Variants in INSYN2A observed in about 807,000 individuals in gnomAD.
INSYN2A encodes the protein family with sequence similarity 196 member A.
Under a neutral mutation model 39.4 loss-of-function variants are expected in INSYN2A, and 17 were observed. The ratio of observed to expected loss-of-function variants is 0.43; its 90% CI spans 0.30 to 0.65. The LOEUF (loss-of-function observed/expected upper bound fraction) is 0.65. Ranked by LOEUF, INSYN2A falls within the 30% of genes least tolerant of loss-of-function variation. The pLI, the probability that INSYN2A is intolerant of heterozygous loss-of-function variation, is 0.14. For synonymous variants in INSYN2A, 255 were observed against 265.7 expected (o/e 0.96, Z 0.39); for missense variants, 595 against 631.2 (o/e 0.94, Z 0.61).
chr10:127,192,288 T>C (rs929082229), intron 2 of INSYN2A, among the ~76,000 whole-genome samples: 1 of 152,212 alleles, frequency 6.6e-6, no homozygotes, highest in African/African-American at 2.4e-5. Flanking sequence ...GGGAGAGTTA[T>C]TTCCAAATCC....
chr10:127,180,415 G>A (rs80344689), intron 2 of INSYN2A, among the ~76,000 whole-genome samples: 72 of 152,256 alleles, frequency 4.7e-4, no homozygotes, highest in African/African-American at 1.3e-3. Flanking sequence ...TTTATTTTTC[G>A]TAAGAAAATT....
rs2055119527 is a variant in INSYN2A at position 127,176,174 on chromosome 10, C to T, written c.222G>A (p.Glu74=). Residue 74 remains glutamate, a synonymous_variant, in exon 4 of 6, where the codon GAG becomes GAA. Transcript: ENST00000522781. This position sits in a 1 kb window ranked among gnomAD's most constrained non-coding sequence, Gnocchi z 4.4. ...CTGCTCTGCAGGACACGGGCTTGGC[C>T]TCCCGCTTCTCCCCCAGCTGGCCCG... ...LSSGQLGEKR[E]AKPVSCRAAY... The T allele has an allele frequency of 2.5e-6, 4 of 1,614,030 alleles. No individual in the cohort carries two copies. The highest frequency in any genetic ancestry group is 2.2e-5 in the East Asian group (1 of 44,862).
chr10:127,183,291 T>A (rs2055914258), intron 2 of INSYN2A, among the ~76,000 whole-genome samples: 1 of 152,106 alleles, frequency 6.6e-6, no homozygotes, highest in Non-Finnish European at 1.5e-5. Context: ...ATGGAAGTCA[T>A]TTAGAGTTGA....
chr10:127,196,486 C>T lies in INSYN2A; in HGVS notation c.-884G>A, dbSNP rs919249667. Among the ~76,000 whole-genome samples, 1 of 148,224 alleles carries T rather than the reference C, an allele frequency of 6.7e-6. No homozygotes were observed. Among genetic ancestry groups the T allele is most frequent in the Admixed American group, 6.7e-5 (1 of 14,922 alleles). On this transcript the variant is annotated 5_prime_UTR_variant, in exon 1 of 6. Transcript: ENST00000522781. ...CAGGAGGGAAGTCCTTTCCGCTGCT[C>T]CAGGTCCCAGCTACTCCGCGGAGCC...
rs1197321988 is a variant in INSYN2A, at chr10:127,176,854, G to A, written c.-6+23C>T. The A allele has an allele frequency of 6.4e-6, 1 of 155,730 alleles. No individual in the cohort carries two copies. The highest frequency in any genetic ancestry group is 1.9e-4 in the East Asian group (1 of 5,288). 9.6% of individuals were successfully genotyped at this position (155,730 alleles called of 1,614,324 possible). ...ATTAATCTATTGCTGGAATCTGGGA[G>A]AGCTGCTGTTTTAAAGACTTACTGG... On this transcript the variant is annotated intron_variant, in intron 3 of 5. Transcript: ENST00000522781. The surrounding 1 kb of genome is among the most constrained non-coding windows in gnomAD (Gnocchi z 4.4).
At chr10:127,192,893 A>C (rs1023616095) in intron 1 of INSYN2A, among the ~76,000 whole-genome samples, 163 bp from the exon 2 acceptor site, 6 of 152,212 alleles carry the variant, frequency 3.9e-5, no homozygotes, top group Admixed American at 2.6e-4. Flanking sequence ...TTAATGTATA[A>C]GAACAATGTA....
intron 2 of INSYN2A, among the ~76,000 whole-genome samples, chr10:127,180,934 A>G (rs1050203578): frequency 6.6e-6 from 1 of 152,190 alleles, no homozygotes; most frequent in Non-Finnish European, 1.5e-5. Context: ...TCTGTTTTCC[A>G]ATTTGGGGAG....
chr10:127,141,615 G>A (rs1253638192), intron 5 of INSYN2A, among the ~76,000 whole-genome samples: 1 of 152,012 alleles, frequency 6.6e-6, no homozygotes, highest in African/African-American at 2.4e-5. Flanking sequence ...AGGTTGCAGT[G>A]AGTTGAGATC....
At chr10:127,177,246 C>A (rs11016652) in intron 2 of INSYN2A, 107 bp from the exon 3 acceptor site, 1 of 152,074 alleles carries the variant, frequency 6.6e-6, no homozygotes, top group East Asian at 1.9e-4. Flanking sequence ...TACTTAAATT[C>A]TGAAAGCAAA....
chr10:127,144,519 A>G (rs1004881257), intron 5 of INSYN2A, among the ~76,000 whole-genome samples: 8 of 152,246 alleles, frequency 5.3e-5, no homozygotes, highest in Non-Finnish European at 1.0e-4. Flanking sequence ...TTGAATTACA[A>G]TAAACTGATG....
chr10:127,145,641 G>A (rs2051741289), intron 5 of INSYN2A, among the ~76,000 whole-genome samples: 1 of 152,154 alleles, frequency 6.6e-6, no homozygotes, highest in African/African-American at 2.4e-5. Context: ...TCCTTTTGAA[G>A]ATGGGAGTGC....
chr10:127,181,673 G>C (rs1028019078), intron 2 of INSYN2A, among the ~76,000 whole-genome samples: 8 of 152,278 alleles, frequency 5.3e-5, no homozygotes, highest in African/African-American at 1.9e-4. Context: ...ATATGCCAAG[G>C]GGGTGCCTGA....
chr10:127,174,480 C>T (rs938707194), intron 4 of INSYN2A, among the ~76,000 whole-genome samples: 2 of 152,166 alleles, frequency 1.3e-5, no homozygotes, highest in Non-Finnish European at 2.9e-5. Context: ...TGCTGCTGCA[C>T]AGTTTAAACT....
At position 127,158,114 on chromosome 10, in the gene INSYN2A, G is replaced by A. The variant is rs577100543; in HGVS notation, c.1185-4191C>T. Among the ~76,000 whole-genome samples the A allele has an allele frequency of 1.1e-4, 17 of 152,344 alleles. No homozygotes were observed. The South Asian group carries it at 3.5e-3, about 32-fold the overall frequency. ...CATTAATAATTGGGCTGCAGCATCT[G>A]AATATGTTCTCCAAATAGAGATGAA... On this transcript the variant is annotated intron_variant, in intron 4 of 5. Coordinates refer to ENST00000522781, the MANE Select transcript of INSYN2A (RefSeq NM_001039762.3).
intron 2 of INSYN2A, among the ~76,000 whole-genome samples, chr10:127,183,763 A>G (rs2055957241): frequency 6.6e-6 from 1 of 152,176 alleles, no homozygotes; most frequent in African/African-American, 2.4e-5. Flanking sequence ...TGGTGAAGAG[A>G]AAATAAACAA....
At chr10:127,169,890 G>A (rs935962988) in intron 4 of INSYN2A, among the ~76,000 whole-genome samples, 5 of 152,028 alleles carry the variant, frequency 3.3e-5, no homozygotes, top group Non-Finnish European at 5.9e-5. Context: ...ACCACACTTC[G>A]TCTGTATTAA....
At chr10:127,177,667 G>T (rs958663054) in intron 2 of INSYN2A, among the ~76,000 whole-genome samples, 1 of 152,208 alleles carries the variant, frequency 6.6e-6, no homozygotes, top group African/African-American at 2.4e-5. Context: ...TGCCGACCTT[G>T]TGCCCTGTCC....
At chr10:127,183,389 A>G (rs1030266856) in intron 2 of INSYN2A, among the ~76,000 whole-genome samples, 2 of 152,214 alleles carry the variant, frequency 1.3e-5, no homozygotes, top group African/African-American at 4.8e-5. Flanking sequence ...TCATCGTAGT[A>G]TGAAAATGCC....
chr10:127,136,822 G>A lies in INSYN2A; in HGVS notation c.*1015C>T, dbSNP rs1282693115. The A allele has an allele frequency of 6.6e-6, 1 of 152,562 alleles. No homozygotes were observed. Among genetic ancestry groups the A allele is most frequent in the Non-Finnish European group, 1.5e-5 (1 of 68,036 alleles). 9.5% of individuals were successfully genotyped at this position (152,562 alleles called of 1,614,324 possible). The stretch of plus-strand genomic sequence containing the variant: ...TAAACGCACTGTTTCTCTTTGAGAT[G>A]GTCAGGGCTTCCACCATTAATACAA... On this transcript the variant is annotated 3_prime_UTR_variant, in exon 6 of 6. Transcript: ENST00000522781.
Sources: allele counts gnomAD v4.1 joint callset (sites outside exome capture counted in the v4.1 genomes callset), GRCh38; gene constraint gnomAD v4.1.1; non-coding constraint Gnocchi (gnomAD v3.1); transcripts MANE v1.5; gene names NCBI Gene and HGNC (gene_info 2026-07-23, HGNC 2026-07-21).